NAPEPLD: variants seen among roughly 807,000 people sequenced by gnomAD.
NAPEPLD encodes N-acyl-phosphatidylethanolamine-hydrolyzing phospholipase D.
NAPEPLD carries 23 observed loss-of-function variants against 38.1 expected under a neutral mutation model. The observed-to-expected ratio is 0.60, with a 90% CI of 0.43 to 0.86. The LOEUF (loss-of-function observed/expected upper bound fraction) is 0.86. Among genes scored for constraint, NAPEPLD ranks in the 40% least tolerant of loss-of-function variants. The pLI, the probability that NAPEPLD is intolerant of heterozygous loss-of-function variation, is 0.00. For synonymous variants in NAPEPLD, 147 were observed against 162.0 expected (o/e 0.91, Z 0.71); for missense variants, 411 against 476.8 (o/e 0.86, Z 1.28).
chr7:103,112,986 G>C (rs975341894), intron 4 of NAPEPLD, among the ~76,000 whole-genome samples: 1 of 152,068 alleles, frequency 6.6e-6, no homozygotes, highest in African/African-American at 2.4e-5. Context: ...CTCAAAGACA[G>C]GATTTTTTAA....
intron 3 of NAPEPLD, among the ~76,000 whole-genome samples, chr7:103,117,666 G>C (rs1051138265): frequency 6.6e-6 from 1 of 152,100 alleles, no homozygotes; most frequent in Admixed American, 6.6e-5. Context: ...CTACACATTA[G>C]AGGCTACCAC....
intron 1 of NAPEPLD, among the ~76,000 whole-genome samples, chr7:103,132,368 A>C (rs1809124605): frequency 6.6e-6 from 1 of 152,326 alleles, no homozygotes; most frequent in Middle Eastern, 3.4e-3. Context: ...AAGAGACAAC[A>C]AAGAAGATGA....
chr7:103,105,999 T>G (rs1177064638), intron 4 of NAPEPLD, among the ~76,000 whole-genome samples: 1 of 141,532 alleles, frequency 7.1e-6, no homozygotes, highest in Non-Finnish European at 1.5e-5. Flanking sequence ...CCCAGTGAGG[T>G]CTACACAGAA....
At chr7:103,148,488 A>C (rs963345306) in intron 1 of NAPEPLD, among the ~76,000 whole-genome samples, 6 of 151,274 alleles carry the variant, frequency 4.0e-5, no homozygotes, top group African/African-American at 1.5e-4. Context: ...AAACAAACAA[A>C]ACAACAACAA....
In NAPEPLD at chr7:103,099,930, A is replaced by T. The variant is rs1269020751; in HGVS notation, c.*3499T>A. The T allele has an allele frequency of 1.3e-5, 2 of 152,196 alleles. No individual in the cohort carries two copies. The highest frequency in any genetic ancestry group is 2.9e-5 in the Non-Finnish European group (2 of 68,042). 9.4% of individuals were successfully genotyped at this position (152,196 alleles called of 1,614,324 possible). On this transcript the variant is annotated 3_prime_UTR_variant, in exon 5 of 5. Coordinates refer to ENST00000465647, the MANE Select transcript of NAPEPLD (RefSeq NM_001122838.3). ...GATTCAGCCAGGTCTTATAGTATTT[A>T]AATTTATAACCCCTGCCATGCTTAG...
chr7:103,126,144 C>T (rs1195834548), intron 2 of NAPEPLD, among the ~76,000 whole-genome samples: 1 of 151,994 alleles, frequency 6.6e-6, no homozygotes, highest in Non-Finnish European at 1.5e-5. Flanking sequence ...GCTTGGGTGA[C>T]AGAGTGAGAC....
At chr7:103,146,235 C>T (rs1019892721) in intron 1 of NAPEPLD, among the ~76,000 whole-genome samples, 1 of 152,062 alleles carries the variant, frequency 6.6e-6, no homozygotes, top group Admixed American at 6.5e-5. Context: ...ATTCCAACTT[C>T]TCAGGAGGCT....
rs775299299 is a variant in NAPEPLD at position 103,128,564 on chromosome 7, T to C, written c.213A>G (p.Thr71=). 5.0e-6 allele frequency: 8 copies of C among 1,614,100 alleles called. No individual in the cohort carries two copies. The highest frequency in any genetic ancestry group is 2.2e-5 in the South Asian group (2 of 91,086). ...KDGRFVNPWP[T]WKNPSIPNVL... The stretch of plus-strand genomic sequence containing the variant: ...CATTTGGAATAGAGGGGTTTTTCCA[T>C]GTTGGCCACGGATTCACAAATCTCC... The change falls in exon 2 of 5, where the codon ACA becomes ACG. Residue 71 remains threonine (T), a synonymous_variant. Coordinates refer to ENST00000465647, the MANE Select transcript of NAPEPLD (RefSeq NM_001122838.3).
At chr7:103,113,111 C>T (rs1406350925) in intron 4 of NAPEPLD, among the ~76,000 whole-genome samples, 1 of 152,128 alleles carries the variant, frequency 6.6e-6, no homozygotes, top group African/African-American at 2.4e-5. Flanking sequence ...AATAAAATAC[C>T]ATTACTTCAT....
chr7:103,131,663 G>A (rs11772371), intron 1 of NAPEPLD, among the ~76,000 whole-genome samples: 2,552 of 137,568 alleles, frequency 0.019, 80 homozygotes, highest in African/African-American at 0.064. Flanking sequence ...GTCTCAAGGG[G>A]AAAAAAAAAA....
intron 3 of NAPEPLD, among the ~76,000 whole-genome samples, chr7:103,115,599 G>T (rs1805407579): frequency 6.6e-6 from 1 of 152,132 alleles, no homozygotes; most frequent in African/African-American, 2.4e-5. Context: ...GATGATGCAG[G>T]GGAGGCGAGC....
chr7:103,130,852 G>C (rs77660924), intron 1 of NAPEPLD, among the ~76,000 whole-genome samples: 1 of 151,938 alleles, frequency 6.6e-6, no homozygotes, highest in East Asian at 1.9e-4. Context: ...TTGCCTCCTC[G>C]GACTCACAAA....
intron 2 of NAPEPLD, chr7:103,126,782 A>ATTTTTTTTTTT (rs61285914): frequency 7.6e-5 from 6 of 78,762 alleles, no homozygotes; most frequent in African/African-American, 3.0e-4. Flanking sequence ...AATTTTTTGT[A>ATTTTTTTTTTT]TTTTTTTTTT....
upstream of NAPEPLD, chr7:103,149,552 G>T: frequency 2.5e-6 from 3 of 1,192,900 alleles, no homozygotes; most frequent in Non-Finnish European, 2.2e-6. Context: ...GCCAGCGGTG[G>T]CCTCCTTCAG....
At chr7:103,143,224 C>G (rs1811847729) in intron 1 of NAPEPLD, among the ~76,000 whole-genome samples, 1 of 151,894 alleles carries the variant, frequency 6.6e-6, no homozygotes, top group Admixed American at 6.6e-5. Flanking sequence ...AAGAGCTTGT[C>G]TAAGAATAAA....
chr7:103,142,078 C>T (rs1469996075), intron 1 of NAPEPLD: 3 of 581,818 alleles, frequency 5.2e-6, no homozygotes, highest in Admixed American at 6.0e-5. Flanking sequence ...TTCTGATATA[C>T]AGGCAGGGTT....
intron 1 of NAPEPLD, among the ~76,000 whole-genome samples, chr7:103,143,591 G>A (rs1811931461): frequency 6.6e-6 from 1 of 152,164 alleles, no homozygotes; most frequent in African/African-American, 2.4e-5. Flanking sequence ...GATTTGTCCT[G>A]CATCTGGCTA....
chr7:103,128,400 C>T, intron 2 of NAPEPLD, 83 bp downstream of exon 2: 2 of 1,486,168 alleles, frequency 1.3e-6, no homozygotes, highest in Non-Finnish European at 1.8e-6. Flanking sequence ...TAATTCTATG[C>T]CTTATGATAT....
At chr7:103,149,849 TCGAGAAG>T, upstream of NAPEPLD, among the ~76,000 whole-genome samples, 1 of 152,268 alleles carries the variant, frequency 6.6e-6, no homozygotes, top group Middle Eastern at 3.4e-3. Flanking sequence ...TCAATCACAG[TCGAGAAG>T]CATTTGAATA....
Sources: gnomAD v4.1 joint callset for allele counts (sites outside exome capture counted in the v4.1 genomes callset) on GRCh38, gnomAD v4.1.1 for gene constraint, MANE v1.5 for transcripts, NCBI Gene and HGNC (gene_info 2026-07-23, HGNC 2026-07-21) for gene names.